The following NRP2 variants were observed in gnomAD, a reference collection of about 807,000 sequenced individuals.
NRP2 encodes the protein neuropilin-2.
A neutral mutation model predicts 110.4 loss-of-function variants in NRP2; 52 were observed. That is an observed-to-expected ratio of 0.47 (90% CI 0.38 to 0.59). The LOEUF (loss-of-function observed/expected upper bound fraction) is 0.59. NRP2 is among the 20% of genes least tolerant of loss of function. The pLI, the probability that NRP2 is intolerant of heterozygous loss-of-function variation, is 0.00. For synonymous variants in NRP2, 508 were observed against 468.9 expected (o/e 1.08, Z -1.08); for missense variants, 1,049 against 1,203.0 (o/e 0.87, Z 1.89).
intron 2 of NRP2, among the ~76,000 whole-genome samples, chr2:205,711,034 A>C (rs1371107425): frequency 2.6e-5 from 4 of 152,248 alleles, no homozygotes; most frequent in Non-Finnish European, 5.9e-5. Context: ...TCACAAGGCA[A>C]CATTTTGGTT....
intron 7 of NRP2, among the ~76,000 whole-genome samples, chr2:205,731,663 T>C (rs2057243232): frequency 6.6e-6 from 1 of 152,238 alleles, no homozygotes; most frequent in African/African-American, 2.4e-5. Flanking sequence ...TCACAGTGTT[T>C]CTGGGCTATT....
At chr2:205,690,579 T>A (rs1418544915) in intron 1 of NRP2, among the ~76,000 whole-genome samples, 2 of 124,182 alleles carry the variant, frequency 1.6e-5, no homozygotes, top group Non-Finnish European at 3.3e-5. Flanking sequence ...CTGCTAAAAA[T>A]ACACACACAC....
At chr2:205,788,389 A>G (rs187959357) in intron 15 of NRP2, among the ~76,000 whole-genome samples, 1 of 152,284 alleles carries the variant, frequency 6.6e-6, no homozygotes, top group Non-Finnish European at 1.5e-5. Context: ...CTGATCTGCA[A>G]CAGCTGGGGA....
At chr2:205,755,438 C>T (rs1318508213) in intron 12 of NRP2, among the ~76,000 whole-genome samples, 2 of 152,158 alleles carry the variant, frequency 1.3e-5, no homozygotes, top group Non-Finnish European at 2.9e-5. Context: ...CTCCAGGAAA[C>T]AAAATCATAA....
chr2:205,772,883 T>C (rs1239916535), intron 15 of NRP2, among the ~76,000 whole-genome samples: 2 of 152,244 alleles, frequency 1.3e-5, no homozygotes, highest in African/African-American at 2.4e-5. Context: ...AGGTGCCACA[T>C]GAGCTAGCAA....
At chr2:205,713,779 A>G (rs553666117) in intron 2 of NRP2, among the ~76,000 whole-genome samples, 1 of 152,332 alleles carries the variant, frequency 6.6e-6, no homozygotes, top group East Asian at 1.9e-4. Flanking sequence ...AACCATTTAT[A>G]AGCAAAATAT....
intron 3 of NRP2, among the ~76,000 whole-genome samples, chr2:205,719,545 T>A (rs1012229040): frequency 1.3e-4 from 20 of 151,850 alleles, no homozygotes; most frequent in African/African-American, 4.6e-4. Context: ...AATGTGTGTG[T>A]GTGTGTGTTT....
At chr2:205,739,927 C>A (rs1559339122) in intron 7 of NRP2, 1 of 196,020 alleles carries the variant, frequency 5.1e-6, no homozygotes, top group Non-Finnish European at 1.1e-5. Flanking sequence ...TGTCTGCAAC[C>A]CTGACCCTGC....
At chr2:205,716,033 T>C (rs1241495780) in intron 2 of NRP2, among the ~76,000 whole-genome samples, 160 bp from the exon 3 acceptor site, 5 of 152,250 alleles carry the variant, frequency 3.3e-5, no homozygotes, top group Admixed American at 3.3e-4. Flanking sequence ...GCAGTATCTC[T>C]GTTTGCCAGT....
chr2:205,754,315 C>T (rs1338818008), intron 12 of NRP2, among the ~76,000 whole-genome samples: 1 of 152,202 alleles, frequency 6.6e-6, no homozygotes, highest in East Asian at 1.9e-4. Context: ...CCCTTCTTCC[C>T]GGTGGGGGCA....
chr2:205,707,988 G>A (rs927664067), intron 2 of NRP2, among the ~76,000 whole-genome samples: 1 of 152,236 alleles, frequency 6.6e-6, no homozygotes, highest in Admixed American at 6.5e-5. Context: ...AAGCATGATT[G>A]ATCCAGGCCA....
intron 7 of NRP2, among the ~76,000 whole-genome samples, chr2:205,735,168 G>C (rs1052162409): frequency 6.6e-6 from 1 of 152,160 alleles, no homozygotes; most frequent in African/African-American, 2.4e-5. Context: ...CATCTACACT[G>C]TCCTGGGCAC....
chr2:205,731,765 G>T (rs563166903), intron 7 of NRP2, among the ~76,000 whole-genome samples: 11 of 152,336 alleles, frequency 7.2e-5, no homozygotes, highest in African/African-American at 2.6e-4. Flanking sequence ...GATGGGTGAA[G>T]ATAGGGATGA....
chr2:205,788,700 A>G (rs1194250018), intron 15 of NRP2, among the ~76,000 whole-genome samples: 1 of 152,016 alleles, frequency 6.6e-6, no homozygotes, highest in African/African-American at 2.4e-5. Flanking sequence ...CATTTGCCCA[A>G]TCCCTGCCCT....
intron 5 of NRP2, among the ~76,000 whole-genome samples, chr2:205,724,654 CTT>C (rs35094496): frequency 1.1e-3 from 88 of 80,366 alleles, no homozygotes; most frequent in African/African-American, 4.3e-3. Flanking sequence ...CAAACGATAA[CTT>C]TTTTTTTTTT....
At chr2:205,776,323 G>T (rs762610229) in intron 15 of NRP2, 3 of 1,613,054 alleles carry the variant, frequency 1.9e-6, no homozygotes, top group Middle Eastern at 1.6e-4. Flanking sequence ...CTGGTATTAC[G>T]TAATGGCCGC....
rs1346019715 is a variant in NRP2 at position 205,716,319 on chromosome 2, C to T, written c.378C>T (p.Ser126=). 3 of 1,614,158 alleles carry T rather than the reference C, an allele frequency of 1.9e-6. No individual in the cohort carries two copies. The highest frequency in any genetic ancestry group is 1.7e-6 in the Non-Finnish European group (2 of 1,180,046). ...CCATGCTCTACATCAAGTTCACCTC[C>T]GACTACGCCCGGCAGGGGGCAGGCT... ...SGSMLYIKFT[S]DYARQGAGFS... Residue 126 remains serine, a synonymous_variant, in exon 3 of 17, where the codon TCC becomes TCT. Transcript: ENST00000357785.
At chr2:205,724,179 T>G (rs560604642) in intron 5 of NRP2, among the ~76,000 whole-genome samples, 3 of 152,294 alleles carry the variant, frequency 2.0e-5, no homozygotes, top group East Asian at 3.9e-4. Context: ...TAACAAGAAT[T>G]AGTTATTTTC....
At chr2:205,747,734 C>T (rs1454016710) in intron 10 of NRP2, among the ~76,000 whole-genome samples, 1 of 152,168 alleles carries the variant, frequency 6.6e-6, no homozygotes, top group Non-Finnish European at 1.5e-5. Context: ...TGAAGTCCAC[C>T]TCATTCTTCC....
Sources: gnomAD v4.1 joint callset for allele counts (sites outside exome capture counted in the v4.1 genomes callset) on GRCh38, gnomAD v4.1.1 for gene constraint, MANE v1.5 for transcripts, NCBI Gene and HGNC (gene_info 2026-07-23, HGNC 2026-07-21) for gene names.